The following IFT80 variants were observed in gnomAD, a reference collection of about 807,000 sequenced individuals.
IFT80 encodes intraflagellar transport 80, also known as intraflagellar transport protein 80 homolog.
IFT80 carries 79 observed loss-of-function variants against 107.9 expected under a neutral mutation model. The ratio of observed to expected loss-of-function variants is 0.73; its 90% confidence interval spans 0.61 to 0.88. The LOEUF (loss-of-function observed/expected upper bound fraction) is 0.88, where lower values mean the gene tolerates loss of function less well. Ranked by LOEUF, IFT80 falls within the 40% of genes least tolerant of loss-of-function variation. The pLI, the probability that IFT80 is intolerant of heterozygous loss-of-function variation, is 0.00. For missense variants in IFT80, 797 were observed against 914.2 expected (o/e 0.87, Z 1.65); for synonymous variants, 299 against 300.9 (o/e 0.99, Z 0.07).
intron 8 of IFT80, among the ~76,000 whole-genome samples, chr3:160,354,285 TACAA>T (rs1405534511): frequency 3.9e-5 from 6 of 152,070 alleles, no homozygotes; most frequent in Admixed American, 2.6e-4. Context: ...TAGAAAAATA[TACAA>T]ACAAACTTTA....
chr3:160,291,708 A>G (rs949599404), intron 12 of IFT80, among the ~76,000 whole-genome samples: 1 of 152,208 alleles, frequency 6.6e-6, no homozygotes, highest in African/African-American at 2.4e-5. Context: ...GGCAAGAAGG[A>G]CAGTGGAAAA....
At chr3:160,354,310 A>ATCTAG (rs1388327770) in intron 8 of IFT80, among the ~76,000 whole-genome samples, 73 of 152,150 alleles carry the variant, frequency 4.8e-4, no homozygotes, top group Non-Finnish European at 8.5e-4. Flanking sequence ...GAGTCAATGG[A>ATCTAG]AGGCATGATC....
chr3:160,341,232 G>C lies in IFT80; in HGVS notation c.777+14781C>G, dbSNP rs578086420. ...TCACCATGTTGCCCAGGCTGGTCTTGAACTCTTGGACTCAAGAAATCTGCC... is the reference window on the plus strand; with the variant it reads ...TCACCATGTTGCCCAGGCTGGTCTTCAACTCTTGGACTCAAGAAATCTGCC... On this transcript the variant is annotated intron_variant, in intron 8 of 19. Coordinates refer to ENST00000326448, the MANE Select transcript of IFT80 (RefSeq NM_020800.3). Among the ~76,000 whole-genome samples, 5 of 151,836 alleles carry C rather than the reference G, an allele frequency of 3.3e-5. No individual in the cohort carries two copies. The East Asian group carries it at 7.8e-4, about 24-fold the overall frequency.
intron 1 of IFT80, among the ~76,000 whole-genome samples, chr3:160,394,574 C>T (rs887692710): frequency 5.3e-5 from 8 of 152,014 alleles, no homozygotes; most frequent in East Asian, 1.9e-4. Flanking sequence ...CAATATTATT[C>T]GTATTGGCTA....
Position 160,277,690 on chromosome 3 carries a change from C to T in IFT80, c.1837-20G>A, listed in dbSNP as rs768376243. ...TTGCTCCTAAAGTAAAGTATGAGAA[C>T]AATTATCTTAACTATGTGACTGAAC... On this transcript the variant is annotated intron_variant, in intron 16 of 19. Transcript: ENST00000326448. 1.3e-6 allele frequency: 2 copies of T among 1,532,118 alleles called. No individual in the cohort carries two copies. Among genetic ancestry groups the T allele is most frequent in the Admixed American group, 1.7e-5 (1 of 59,750 alleles). The allele number at this position is 1,532,118 out of a possible 1,614,324, so 94.9% of individuals were successfully genotyped here.
chr3:160,361,403 T>C (rs1194329396), intron 6 of IFT80, among the ~76,000 whole-genome samples: 1 of 152,108 alleles, frequency 6.6e-6, no homozygotes, highest in South Asian at 2.1e-4. Context: ...AAAAAGAAAC[T>C]TGGACTCCCA....
Position 160,352,289 on chromosome 3 carries a change from C to T in IFT80, c.777+3724G>A, listed in dbSNP as rs371449851. Among the ~76,000 whole-genome samples, 25 of 152,290 alleles carry T rather than the reference C, an allele frequency of 1.6e-4. No homozygotes were observed. The East Asian group carries it at 2.7e-3, about 16-fold the overall frequency. On this transcript the variant is annotated intron_variant, in intron 8 of 19. Transcript: ENST00000326448. ...GATTACAGGCGTGAGCCACCACGCCCGGCCCCCAACAGTAATTTTAAATGA... is the reference window on the plus strand; with the variant it reads ...GATTACAGGCGTGAGCCACCACGCCTGGCCCCCAACAGTAATTTTAAATGA...
At chr3:160,280,618 T>C (rs1714614556) in intron 15 of IFT80, 49 bp downstream of exon 15, 2 of 1,493,056 alleles carry the variant, frequency 1.3e-6, no homozygotes, top group East Asian at 4.5e-5. Context: ...TGATACTCTA[T>C]TAGAGTTTTA....
chr3:160,301,760 T>G lies in IFT80; in HGVS notation c.1152-714A>C, dbSNP rs562543407. Among the ~76,000 whole-genome samples, 339 of 151,958 alleles carry G rather than the reference T, an allele frequency of 2.2e-3. 1 individual carries two copies. The highest frequency in any genetic ancestry group is 7.6e-3 in the African/African-American group (316 of 41,516). On this transcript the variant is annotated intron_variant, in intron 11 of 19. Coordinates refer to ENST00000326448, the MANE Select transcript of IFT80 (RefSeq NM_020800.3). ...GGCTGTTATATTTTTCCTTTGAAAATTTATGAATATTGTACAAAATAATTC... is the reference window on the plus strand; with the variant it reads ...GGCTGTTATATTTTTCCTTTGAAAAGTTATGAATATTGTACAAAATAATTC...
chr3:160,267,081 T>C lies in IFT80; in HGVS notation c.2223+1332A>G, dbSNP rs1559909622. Reference sequence around the variant, plus strand: ...GGAGCTTCTAAAAAACATATCTCCTTTCTACCATGAAACCCACAACTTGTA... The same window carrying C: ...GGAGCTTCTAAAAAACATATCTCCTCTCTACCATGAAACCCACAACTTGTA... On this transcript the variant is annotated intron_variant, in intron 19 of 19. Transcript: ENST00000326448. Among the ~76,000 whole-genome samples, 3 of 152,156 alleles carry C rather than the reference T, an allele frequency of 2.0e-5. No homozygotes were observed. In the South Asian group the frequency reaches 6.2e-4, roughly 32 times the overall value.
Position 160,307,777 on chromosome 3 carries a change from C to T in IFT80, c.962G>A (p.Arg321His), listed in dbSNP as rs766354291. Reference protein sequence around the residue: ...TLTKRRAMQVRNVLNDAVDLL... With the variant: ...TLTKRRAMQVHNVLNDAVDLL... ...ATCCACTGCATCATTAAGAACATTA[C>T]GAACCTAAACAAGGAAAAATAAAAT... Residue 321 changes from arginine (R) to histidine (H), a missense_variant, in exon 10 of 20, where the codon CGT becomes CAT. By Grantham distance (29) the Arg-to-His change is conservative (BLOSUM62 0). Coordinates refer to ENST00000326448, the MANE Select transcript of IFT80 (RefSeq NM_020800.3). The T allele has an allele frequency of 2.3e-5, 34 of 1,477,006 alleles. No individual in the cohort carries two copies. Among genetic ancestry groups the T allele is most frequent in the Admixed American group, 3.3e-5 (2 of 59,708 alleles). The allele number at this position is 1,477,006 out of a possible 1,614,324, so 91.5% of individuals were successfully genotyped here.
At chr3:160,347,996 C>G (rs1198198685) in intron 8 of IFT80, among the ~76,000 whole-genome samples, 2 of 152,230 alleles carry the variant, frequency 1.3e-5, no homozygotes, top group East Asian at 3.9e-4. Flanking sequence ...TCAAATCACT[C>G]TATATTTCCA....
chr3:160,371,144 C>T (rs1184026204), intron 5 of IFT80, among the ~76,000 whole-genome samples: 1 of 152,132 alleles, frequency 6.6e-6, no homozygotes, highest in African/African-American at 2.4e-5. Flanking sequence ...ACACTCTGGC[C>T]CAAGGAGTTA....
chr3:160,322,736 T>C (rs1171680758), intron 8 of IFT80, among the ~76,000 whole-genome samples: 1 of 152,148 alleles, frequency 6.6e-6, no homozygotes, highest in Non-Finnish European at 1.5e-5. Flanking sequence ...TTCTAACTGG[T>C]GTGAGATGGT....
At position 160,289,609 on chromosome 3, in the gene IFT80, C is replaced by T. The variant is rs140463926; in HGVS notation, c.1316-3741G>A. Among the ~76,000 whole-genome samples, 717 of 152,240 alleles carry T rather than the reference C, an allele frequency of 4.7e-3. 7 individuals are homozygous for T. Among genetic ancestry groups the T allele is most frequent in the African/African-American group, 0.016 (683 of 41,544 alleles). ...AACACAGAGGTTGGGTGGACCAATGCGGCGGTCCTGCTAGTGCCCCAACAT... is the reference window on the plus strand; with the variant it reads ...AACACAGAGGTTGGGTGGACCAATGTGGCGGTCCTGCTAGTGCCCCAACAT... On this transcript the variant is annotated intron_variant, in intron 12 of 19. Transcript: ENST00000326448.
Position 160,307,755 on chromosome 3 carries a change from C to T in IFT80, c.984G>A (p.Val328=). The change falls in exon 10 of 20, where the codon GTG becomes GTA. Residue 328 remains valine (V), a synonymous_variant. Transcript: ENST00000326448. ...MQVRNVLNDA[V]DLLEFRDRVI... ...CTCTATCACGGAATTCCAGTAAATC[C>T]ACTGCATCATTAAGAACATTACGAA... 6.3e-7 allele frequency: 1 copy of T among 1,587,106 alleles called. No individual in the cohort carries two copies. Among genetic ancestry groups the T allele is most frequent in the Non-Finnish European group, 8.7e-7 (1 of 1,155,610 alleles).
chr3:160,337,556 T>C (rs1719588762), intron 8 of IFT80, among the ~76,000 whole-genome samples: 1 of 151,958 alleles, frequency 6.6e-6, no homozygotes, highest in Non-Finnish European at 1.5e-5. Flanking sequence ...CTTGGGAGGC[T>C]GAGGTTGCAG....
chr3:160,390,589 G>A (rs1713309417), intron 1 of IFT80, among the ~76,000 whole-genome samples: 1 of 152,182 alleles, frequency 6.6e-6, no homozygotes, highest in Non-Finnish European at 1.5e-5. Flanking sequence ...AATGGTTTAA[G>A]ATAGATGGTT....
intron 8 of IFT80, among the ~76,000 whole-genome samples, chr3:160,350,094 G>T (rs576862432): frequency 7.7e-4 from 117 of 152,072 alleles, no homozygotes; most frequent in African/African-American, 2.7e-3. Flanking sequence ...ACTCTATAAA[G>T]GCAATTTCTG....
Sources: allele counts gnomAD v4.1 joint callset (sites outside exome capture counted in the v4.1 genomes callset), GRCh38; gene constraint gnomAD v4.1.1; transcripts MANE v1.5; gene names NCBI Gene and HGNC (gene_info 2026-07-23, HGNC 2026-07-21).